PDE7B: variants seen among roughly 807,000 people sequenced by gnomAD.
PDE7B encodes 3',5'-cyclic-AMP phosphodiesterase 7B.
PDE7B carries 29 observed loss-of-function variants against 56.2 expected under a neutral mutation model. The observed-to-expected ratio is 0.52, with a 90% CI of 0.38 to 0.70. PDE7B has a LOEUF of 0.70. Ranked by LOEUF, PDE7B falls within the 30% of genes least tolerant of loss-of-function variation. The pLI, the probability that PDE7B is intolerant of heterozygous loss-of-function variation, is 0.00. For missense variants in PDE7B, 490 were observed against 565.0 expected (o/e 0.87, Z 1.35); for synonymous variants, 197 against 196.9 (o/e 1.00, Z 0.00).
At chr6:136,007,540 T>C (rs1453923927) in intron 2 of PDE7B, among the ~76,000 whole-genome samples, 1 of 152,082 alleles carries the variant, frequency 6.6e-6, no homozygotes, top group Non-Finnish European at 1.5e-5. Flanking sequence ...TCTCCTAATC[T>C]TAGTTCCCCT....
chr6:136,128,992 GCCTA>G lies in PDE7B; in HGVS notation c.167-18354_167-18351del, dbSNP rs113684097. Among the ~76,000 whole-genome samples the G allele has an allele frequency of 9.5e-4, 144 of 152,114 alleles. 2 individuals carry two copies. The highest frequency in any genetic ancestry group is 3.3e-3 in the African/African-American group (136 of 41,466). ...CATCAGAACTTATCCATCCAGCATT[GCCTA>G]CCTAATTGCAAACTAATTCAAGCTA... On this transcript the variant is annotated intron_variant, in intron 3 of 12. Transcript: ENST00000308191.
chr6:136,118,062 T>TA (rs1240427660), intron 3 of PDE7B, among the ~76,000 whole-genome samples: 1 of 152,164 alleles, frequency 6.6e-6, no homozygotes, highest in Non-Finnish European at 1.5e-5. Flanking sequence ...GTAAATGAGA[T>TA]AAATGTGTCC....
At chr6:136,112,901 T>C (rs933423909) in intron 3 of PDE7B, among the ~76,000 whole-genome samples, 10 of 152,210 alleles carry the variant, frequency 6.6e-5, no homozygotes, top group South Asian at 2.1e-4. Context: ...TTGCCTGGCA[T>C]AGTCCTAGTT....
intron 2 of PDE7B, among the ~76,000 whole-genome samples, chr6:136,067,764 C>T (rs1776971004): frequency 6.6e-6 from 1 of 152,122 alleles, no homozygotes; most frequent in Non-Finnish European, 1.5e-5. Context: ...ATTTCCCACA[C>T]ATCAGGCCTT....
At chr6:135,989,086 A>G (rs1775429938) in intron 2 of PDE7B, among the ~76,000 whole-genome samples, 1 of 152,156 alleles carries the variant, frequency 6.6e-6, no homozygotes, top group Admixed American at 6.6e-5. Flanking sequence ...TATGTGTTTC[A>G]GATTAATTTG....
intron 2 of PDE7B, among the ~76,000 whole-genome samples, chr6:136,075,310 AT>A (rs1302706029): frequency 6.6e-6 from 1 of 152,186 alleles, no homozygotes; most frequent in East Asian, 1.9e-4. Context: ...ATGTACTAAG[AT>A]TTCAAAGTGC....
chr6:135,901,843 G>A (rs1562431813), intron 1 of PDE7B, among the ~76,000 whole-genome samples: 1 of 152,170 alleles, frequency 6.6e-6, no homozygotes, highest in East Asian at 1.9e-4. Context: ...GAAGTGTGCA[G>A]ACACAATGAT....
At chr6:136,057,882 G>T (rs149311781) in intron 2 of PDE7B, among the ~76,000 whole-genome samples, 1 of 152,038 alleles carries the variant, frequency 6.6e-6, no homozygotes, top group Non-Finnish European at 1.5e-5. Flanking sequence ...GGTCACAGGC[G>T]TGCACCACCT....
At chr6:136,176,033 C>G (rs191617150) in intron 9 of PDE7B, among the ~76,000 whole-genome samples, 135 of 152,042 alleles carry the variant, frequency 8.9e-4, no homozygotes, top group African/African-American at 3.0e-3. Flanking sequence ...TAGTATGCAT[C>G]CTTTACTTAC....
chr6:136,089,419 C>A (rs1391552711), intron 2 of PDE7B, among the ~76,000 whole-genome samples: 1 of 152,176 alleles, frequency 6.6e-6, no homozygotes, highest in Non-Finnish European at 1.5e-5. Context: ...AGACTACAAA[C>A]AAGTGCTTCT....
In PDE7B at chr6:136,157,313, G is replaced by T. The variant is rs181569374; in HGVS notation, c.711+1555G>T. Among the ~76,000 whole-genome samples the T allele has an allele frequency of 4.9e-4, 75 of 152,302 alleles. 2 individuals are homozygous for T. The highest frequency in any genetic ancestry group is 1.7e-3 in the African/African-American group (71 of 41,564). ...AAAGTGATCGAGGCCTGGTGCAGTGGTTCACACCTGTAATCTCAGCACTTT... is the reference window on the plus strand; with the variant it reads ...AAAGTGATCGAGGCCTGGTGCAGTGTTTCACACCTGTAATCTCAGCACTTT... On this transcript the variant is annotated intron_variant, in intron 8 of 12. Coordinates refer to ENST00000308191, the MANE Select transcript of PDE7B (RefSeq NM_018945.4).
intron 2 of PDE7B, among the ~76,000 whole-genome samples, chr6:135,950,666 G>C (rs139472610): frequency 2.6e-5 from 4 of 152,208 alleles, no homozygotes; most frequent in African/African-American, 9.6e-5. Context: ...TTGGGTGCCT[G>C]CTGGATCCTA....
chr6:136,173,379 C>G (rs1047599878), intron 8 of PDE7B, among the ~76,000 whole-genome samples: 5 of 152,066 alleles, frequency 3.3e-5, no homozygotes, highest in African/African-American at 1.2e-4. Flanking sequence ...CTTTGACAAA[C>G]CTGAGAAAAA....
chr6:135,866,595 C>T (rs765870555), intron 1 of PDE7B, among the ~76,000 whole-genome samples: 2 of 152,148 alleles, frequency 1.3e-5, no homozygotes, highest in Non-Finnish European at 2.9e-5. Flanking sequence ...ATATATTTGG[C>T]ATACTACACT....
chr6:136,135,689 G>A (rs1173407586), intron 3 of PDE7B, among the ~76,000 whole-genome samples: 1 of 151,920 alleles, frequency 6.6e-6, no homozygotes, highest in African/African-American at 2.4e-5. Flanking sequence ...TATTTTAAAA[G>A]GTTTTCTGGC....
intron 1 of PDE7B, among the ~76,000 whole-genome samples, chr6:135,911,499 A>G (rs1407252756): frequency 6.6e-6 from 1 of 152,210 alleles, no homozygotes; most frequent in African/African-American, 2.4e-5. Context: ...ACAATTTACA[A>G]AAGTTTATGG....
intron 7 of PDE7B, 23 bp from the exon 8 acceptor site, chr6:136,155,604 C>A: frequency 6.3e-7 from 1 of 1,588,986 alleles, no homozygotes; most frequent in Non-Finnish European, 8.6e-7. Context: ...ACCAATCAAT[C>A]TCCCAATTTG....
chr6:135,965,362 C>T (rs1774980089), intron 2 of PDE7B, among the ~76,000 whole-genome samples: 4 of 152,118 alleles, frequency 2.6e-5, no homozygotes, highest in Admixed American at 2.6e-4. Context: ...AGGCACAGCA[C>T]CTGCCAAAGG....
chr6:135,948,123 G>C (rs986921262), intron 2 of PDE7B, among the ~76,000 whole-genome samples: 3 of 151,776 alleles, frequency 2.0e-5, no homozygotes, highest in Non-Finnish European at 2.9e-5. Flanking sequence ...CATTTTATAG[G>C]TTAGAAACAA....
Sources: gnomAD v4.1 joint callset for allele counts (sites outside exome capture counted in the v4.1 genomes callset) on GRCh38, gnomAD v4.1.1 for gene constraint, MANE v1.5 for transcripts, NCBI Gene and HGNC (gene_info 2026-07-23, HGNC 2026-07-21) for gene names.